Variants in CNOT4 observed in about 807,000 individuals in gnomAD.
CNOT4 encodes the protein CCR4-NOT transcription complex subunit 4.
CNOT4 carries 8 observed loss-of-function variants against 73.8 expected under a neutral mutation model. The observed-to-expected ratio is 0.11, with a 90% CI of 0.06 to 0.20. CNOT4 has a LOEUF of 0.20. Among genes scored for constraint, CNOT4 ranks in the 10% least tolerant of loss-of-function variants. The pLI, the probability that CNOT4 is intolerant of heterozygous loss-of-function variation, is 1.00. For synonymous variants in CNOT4, 293 were observed against 321.1 expected (o/e 0.91, Z 0.94); for missense variants, 564 against 883.4 (o/e 0.64, Z 4.58).
chr7:135,483,868 C>T (rs898432788), intron 1 of CNOT4, among the ~76,000 whole-genome samples: 3 of 151,990 alleles, frequency 2.0e-5, no homozygotes, highest in Admixed American at 6.6e-5. Context: ...GAAGAACTTC[C>T]TCAACTTGGC....
chr7:135,387,855 G>A (rs933244231), intron 10 of CNOT4: 2 of 973,492 alleles, frequency 2.1e-6, no homozygotes, highest in Non-Finnish European at 2.4e-6. Flanking sequence ...AATTTTAGAG[G>A]ACATCCAATC....
chr7:135,453,424 C>T (rs940493810), intron 1 of CNOT4, among the ~76,000 whole-genome samples: 1 of 152,024 alleles, frequency 6.6e-6, no homozygotes, highest in African/African-American at 2.4e-5. Context: ...GCTCCTTGCC[C>T]ACCAAGAGAT....
At position 135,444,985 on chromosome 7, in the gene CNOT4, T is replaced by TC. The variant is rs397725766; in HGVS notation, c.-92-6563_-92-6562insG. 3.2e-6 allele frequency: 3 copies of TC among 949,936 alleles called. 1 individual carries two copies. The African/African-American group carries it at 4.9e-5, about 15-fold the overall frequency. 58.8% of individuals were successfully genotyped at this position (949,936 alleles called of 1,614,324 possible). ...TGATGTAAGCCTCTTTGCCTCTGCTTGTCATGCCATTAAGCTCACAATAAG... is the reference window on the plus strand; with the variant it reads ...TGATGTAAGCCTCTTTGCCTCTGCTTCGTCATGCCATTAAGCTCACAATAAG... On this transcript the variant is annotated intron_variant, in intron 1 of 11. Transcript: ENST00000541284.
chr7:135,414,543 A>T, intron 4 of CNOT4, 111 bp from the exon 5 acceptor site: 1 of 589,730 alleles, frequency 1.7e-6, no homozygotes, highest in East Asian at 2.7e-5. Context: ...ACTATTACTA[A>T]TGACAATAAT....
chr7:135,461,330 G>A (rs1800858269), intron 1 of CNOT4, among the ~76,000 whole-genome samples: 1 of 152,012 alleles, frequency 6.6e-6, no homozygotes, highest in Non-Finnish European at 1.5e-5. Context: ...ATTCTTATTA[G>A]AATAAATGGT....
chr7:135,442,354 T>C (rs1799528634), intron 1 of CNOT4, among the ~76,000 whole-genome samples: 1 of 152,146 alleles, frequency 6.6e-6, no homozygotes, highest in Admixed American at 6.5e-5. Context: ...CCCAGCACTT[T>C]GGGAGGCCAA....
chr7:135,416,802 T>C (rs1563036460), intron 3 of CNOT4, among the ~76,000 whole-genome samples: 1 of 152,080 alleles, frequency 6.6e-6, no homozygotes, highest in African/African-American at 2.4e-5. Flanking sequence ...GAGAGACTGT[T>C]AAAGTGACTG....
At chr7:135,368,072 T>C (rs1041826329) in intron 10 of CNOT4, among the ~76,000 whole-genome samples, 2 of 152,178 alleles carry the variant, frequency 1.3e-5, no homozygotes, top group Non-Finnish European at 2.9e-5. Flanking sequence ...GGTAGTAGTT[T>C]TATTTTTCAG....
chr7:135,410,830 A>G (rs961887957), intron 6 of CNOT4, among the ~76,000 whole-genome samples, 182 bp from the exon 7 acceptor site: 1 of 151,570 alleles, frequency 6.6e-6, no homozygotes, highest in African/African-American at 2.4e-5. Context: ...ACCTGTGAGG[A>G]TATCACAAAA....
intron 2 of CNOT4, among the ~76,000 whole-genome samples, chr7:135,432,547 A>T (rs1411396242): frequency 6.6e-6 from 1 of 152,154 alleles, no homozygotes; most frequent in Non-Finnish European, 1.5e-5. Flanking sequence ...TCCCTCTTGC[A>T]GTTCTCTGAT....
chr7:135,433,229 C>T (rs1798950406), intron 2 of CNOT4, among the ~76,000 whole-genome samples: 1 of 151,948 alleles, frequency 6.6e-6, no homozygotes, highest in Admixed American at 6.6e-5. Flanking sequence ...TTTTGTTTCA[C>T]TAAAAGATCT....
At chr7:135,382,596 C>A (rs200731036) in intron 10 of CNOT4, among the ~76,000 whole-genome samples, 7 of 134,282 alleles carry the variant, frequency 5.2e-5, no homozygotes, top group African/African-American at 5.3e-5. Flanking sequence ...AAAAAAAAAA[C>A]CACACAGTTG....
intron 10 of CNOT4, among the ~76,000 whole-genome samples, chr7:135,390,459 T>C (rs1796343479): frequency 6.6e-6 from 1 of 151,924 alleles, no homozygotes; most frequent in Admixed American, 6.6e-5. Flanking sequence ...AAAAAAAAGA[T>C]CTGAATGAAT....
At chr7:135,489,687 C>T (rs1215424416) in intron 1 of CNOT4, among the ~76,000 whole-genome samples, 4 of 152,092 alleles carry the variant, frequency 2.6e-5, no homozygotes, top group South Asian at 2.1e-4. Context: ...TGAGCCACTG[C>T]GCCTGGCCGA....
chr7:135,495,774 C>G (rs1016524514), intron 1 of CNOT4, among the ~76,000 whole-genome samples: 7 of 141,014 alleles, frequency 5.0e-5, no homozygotes, highest in Non-Finnish European at 7.7e-5. Context: ...AATTTAAGAA[C>G]ATTCAGGGCT....
rs112114083 is a variant in CNOT4 at position 135,374,173 on chromosome 7, C to T, written c.1628-10107G>A. 2.5e-3 allele frequency among the ~76,000 whole-genome samples: 383 copies of T among 152,228 alleles called. 2 individuals are homozygous for T. The highest frequency in any genetic ancestry group is 7.3e-3 in the South Asian group (35 of 4,812). Reference sequence around the variant, plus strand: ...CTACTTCCTTTCCCCTTCTGCTGCCCATCTAAACTCAAAGACTTTGTAGTT... The same window carrying T: ...CTACTTCCTTTCCCCTTCTGCTGCCTATCTAAACTCAAAGACTTTGTAGTT... On this transcript the variant is annotated intron_variant, in intron 10 of 11. Transcript: ENST00000541284.
At chr7:135,419,012 A>G (rs1413259858) in intron 3 of CNOT4, among the ~76,000 whole-genome samples, 1 of 152,002 alleles carries the variant, frequency 6.6e-6, no homozygotes, top group Non-Finnish European at 1.5e-5. Flanking sequence ...AATATCTAGC[A>G]AATAGTAGGT....
At chr7:135,456,360 G>A (rs1317142821) in intron 1 of CNOT4, among the ~76,000 whole-genome samples, 1 of 152,096 alleles carries the variant, frequency 6.6e-6, no homozygotes, top group Non-Finnish European at 1.5e-5. Context: ...AATCAACGAG[G>A]AAACCTCACA....
At chr7:135,399,722 C>T (rs1163704675) in intron 7 of CNOT4, among the ~76,000 whole-genome samples, 1 of 152,084 alleles carries the variant, frequency 6.6e-6, no homozygotes, top group Non-Finnish European at 1.5e-5. Context: ...CCAGGTGCAT[C>T]TTCTGCAGAC....
Sources: gnomAD v4.1 joint callset for allele counts (sites outside exome capture counted in the v4.1 genomes callset) on GRCh38, gnomAD v4.1.1 for gene constraint, MANE v1.5 for transcripts, NCBI Gene and HGNC (gene_info 2026-07-23, HGNC 2026-07-21) for gene names.